The following SRFBP1 variants were observed in gnomAD, a reference collection of about 807,000 sequenced individuals.
The protein encoded by SRFBP1 is serum response factor binding protein 1, also known as serum response factor-binding protein 1.
A neutral mutation model predicts 45.5 loss-of-function variants in SRFBP1; 47 were observed. That is an observed-to-expected ratio of 1.03 (90% confidence interval 0.82 to 1.32). SRFBP1 has a LOEUF of 1.32. Among genes scored for constraint, SRFBP1 ranks in the 40% most tolerant of loss-of-function variants. The pLI, the probability that SRFBP1 is intolerant of heterozygous loss-of-function variation, is 0.00. For missense variants in SRFBP1, 621 were observed against 484.6 expected, an observed-to-expected ratio of 1.28 and a Z score of -2.64; for synonymous variants, 203 against 166.3, an observed-to-expected ratio of 1.22 and a Z score of -1.70.
chr5:121,993,525 A>G (rs1399250535), intron 3 of SRFBP1, among the ~76,000 whole-genome samples: 4 of 152,258 alleles, frequency 2.6e-5, no homozygotes, highest in Admixed American at 2.6e-4. Context: ...TGATCTAATA[A>G]AGGTACTAGT....
At chr5:121,970,544 T>C (rs896083027) in intron 1 of SRFBP1, among the ~76,000 whole-genome samples, 3 of 152,118 alleles carry the variant, frequency 2.0e-5, no homozygotes, top group Non-Finnish European at 4.4e-5. Flanking sequence ...GCCGTTCTTT[T>C]TTTTTTTCCT....
intron 4 of SRFBP1, among the ~76,000 whole-genome samples, chr5:122,012,780 T>C (rs1387040089): frequency 6.6e-6 from 1 of 152,122 alleles, no homozygotes; most frequent in Admixed American, 6.6e-5. Context: ...TCTTATAGTG[T>C]TATAATACCA....
chr5:122,075,675 G>A (rs1406812482), downstream of SRFBP1: 3 of 565,024 alleles, frequency 5.3e-6, no homozygotes, highest in Non-Finnish European at 8.5e-6. Context: ...AAGAGTCTAA[G>A]GCATTTTGTT....
At chr5:122,019,628 A>G (rs1237476610) in intron 5 of SRFBP1, among the ~76,000 whole-genome samples, 1 of 151,008 alleles carries the variant, frequency 6.6e-6, no homozygotes, top group Non-Finnish European at 1.5e-5. Context: ...AAATATTGAC[A>G]TAACTCATTA....
At chr5:122,051,129 T>C (rs747218629) in intron 2 of SRFBP1, among the ~76,000 whole-genome samples, 2 of 152,206 alleles carry the variant, frequency 1.3e-5, no homozygotes, top group Non-Finnish European at 2.9e-5. Context: ...GTTAGTATGA[T>C]TCTAGTCTTT....
chr5:122,011,921 T>C (rs1357843652), intron 4 of SRFBP1, among the ~76,000 whole-genome samples: 1 of 152,174 alleles, frequency 6.6e-6, no homozygotes, highest in Non-Finnish European at 1.5e-5. Context: ...CCCATCTGCT[T>C]CACCAGCTTT....
intron 3 of SRFBP1, among the ~76,000 whole-genome samples, chr5:121,979,439 T>C (rs1752364091): frequency 1.3e-5 from 2 of 152,230 alleles, no homozygotes; most frequent in South Asian, 4.1e-4. Flanking sequence ...AAAGATACCT[T>C]ATTGAAGTCT....
rs191033112 is a variant in SRFBP1, at chr5:122,048,692, G to A, written n.311+26285G>A. Among the ~76,000 whole-genome samples the A allele has an allele frequency of 1.2e-3, 178 of 152,196 alleles. 1 individual carries two copies. Among genetic ancestry groups the A allele is most frequent in the African/African-American group, 4.2e-3 (173 of 41,522 alleles). On this transcript the variant is annotated intron_variant and non_coding_transcript_variant, in intron 2 of 2. Coordinates refer to the SRFBP1 transcript ENST00000504881. Reference sequence around the variant, plus strand: ...TCTGGTCCTGGACTTTTTTTGATTGGTAAGCTATTAATTATTGCCTCAATT... The same window carrying A: ...TCTGGTCCTGGACTTTTTTTGATTGATAAGCTATTAATTATTGCCTCAATT...
At chr5:122,038,615 C>T (rs568861020) in intron 2 of SRFBP1, among the ~76,000 whole-genome samples, 3 of 152,196 alleles carry the variant, frequency 2.0e-5, no homozygotes, top group Non-Finnish European at 4.4e-5. Flanking sequence ...CCAGCATAGA[C>T]CTGAGTAAGG....
chr5:122,019,209 G>A (rs915427746), intron 4 of SRFBP1, 51 bp from the exon 5 acceptor site: 10 of 1,436,352 alleles, frequency 7.0e-6, no homozygotes, highest in Non-Finnish European at 9.8e-6. Context: ...ACTTTCAATA[G>A]TGTCATTTTT....
downstream of SRFBP1, chr5:122,076,981 C>T: frequency 6.2e-7 from 1 of 1,613,612 alleles, no homozygotes; most frequent in Non-Finnish European, 8.5e-7. Flanking sequence ...TAGTAGGGGT[C>T]GGCCACCAGG....
downstream of SRFBP1, among the ~76,000 whole-genome samples, chr5:122,031,461 C>G (rs545003412): frequency 9.9e-5 from 15 of 152,216 alleles, no homozygotes; most frequent in Admixed American, 2.6e-4. Context: ...ATTGAAAACG[C>G]TATTTTAAAT....
chr5:121,994,503 A>G (rs1166989352), intron 3 of SRFBP1, 96 bp from the exon 4 acceptor site: 1 of 736,792 alleles, frequency 1.4e-6, no homozygotes, highest in South Asian at 1.8e-5. Flanking sequence ...TTAAGATGTT[A>G]TTTAATATTA....
intron 3 of SRFBP1, among the ~76,000 whole-genome samples, chr5:121,982,852 T>C (rs1230342844): frequency 6.6e-6 from 1 of 151,672 alleles, no homozygotes; most frequent in Non-Finnish European, 1.5e-5. Context: ...TTTATTTTTG[T>C]TTTGTTTTGA....
At chr5:122,007,057 G>A (rs1223053049) in intron 4 of SRFBP1, among the ~76,000 whole-genome samples, 1 of 152,044 alleles carries the variant, frequency 6.6e-6, no homozygotes, top group African/African-American at 2.4e-5. Flanking sequence ...TTGTCTGGGA[G>A]AACCGTTCTC....
chr5:122,024,389 A>G (rs983686671), intron 7 of SRFBP1, among the ~76,000 whole-genome samples: 5 of 152,158 alleles, frequency 3.3e-5, no homozygotes, highest in African/African-American at 9.7e-5. Flanking sequence ...CAGAGTACCA[A>G]TTTTAGTATT....
chr5:121,963,914 T>C (rs1476841457), intron 1 of SRFBP1, among the ~76,000 whole-genome samples: 1 of 150,354 alleles, frequency 6.7e-6, no homozygotes, highest in East Asian at 2.0e-4. Flanking sequence ...TTGAATAACC[T>C]ACCAAAGAAA....
intron 2 of SRFBP1, among the ~76,000 whole-genome samples, chr5:122,035,200 G>A (rs1375811873): frequency 6.6e-6 from 1 of 152,022 alleles, no homozygotes; most frequent in Non-Finnish European, 1.5e-5. Flanking sequence ...AAGGGTCCTA[G>A]TGGAGATTTG....
At chr5:122,044,225 C>T (rs1178871001) in intron 2 of SRFBP1, among the ~76,000 whole-genome samples, 3 of 152,092 alleles carry the variant, frequency 2.0e-5, no homozygotes, top group Non-Finnish European at 4.4e-5. Context: ...GGCATATGTA[C>T]CACATTTTCT....
Sources: gnomAD v4.1 joint callset for allele counts (sites outside exome capture counted in the v4.1 genomes callset) on GRCh38, gnomAD v4.1.1 for gene constraint, MANE v1.5 for transcripts, NCBI Gene and HGNC (gene_info 2026-07-23, HGNC 2026-07-21) for gene names.